ARHGEF12: variants seen among roughly 807,000 people sequenced by gnomAD.
ARHGEF12 encodes KMT2A/ARHGEF12 fusion protein.
In ARHGEF12, 66 loss-of-function variants were observed where a neutral mutation model predicts 211.2. The observed-to-expected ratio is 0.31, with a 90% CI of 0.26 to 0.38. The LOEUF (loss-of-function observed/expected upper bound fraction) is 0.38. Among genes scored for constraint, ARHGEF12 ranks in the 10% least tolerant of loss-of-function variants. The pLI is 1.00. For synonymous variants in ARHGEF12, 592 were observed against 638.4 expected, an observed-to-expected ratio of 0.93 and a Z score of 1.09; for missense variants, 1,429 against 1,869.5, an observed-to-expected ratio of 0.76 and a Z score of 4.34.
chr11:120,480,984 G>A (rs1318059454), intron 38 of ARHGEF12, among the ~76,000 whole-genome samples: 3 of 152,150 alleles, frequency 2.0e-5, no homozygotes, highest in East Asian at 1.9e-4. Flanking sequence ...CAAGAGAGGC[G>A]TTTGGCAGGG....
chr11:120,338,494 T>C (rs1412239972), intron 1 of ARHGEF12, among the ~76,000 whole-genome samples: 1 of 152,218 alleles, frequency 6.6e-6, no homozygotes, highest in East Asian at 1.9e-4. Flanking sequence ...ATATTTAAAG[T>C]ATTTATATTT....
At chr11:120,345,618 G>A (rs1305361114) in intron 1 of ARHGEF12, among the ~76,000 whole-genome samples, 2 of 145,964 alleles carry the variant, frequency 1.4e-5, no homozygotes, top group Admixed American at 1.4e-4. Context: ...CAGGAGAATG[G>A]CATGAACCCA....
At chr11:120,395,056 CAAAAAA>C (rs758953056) in intron 1 of ARHGEF12, among the ~76,000 whole-genome samples, 4 of 34,612 alleles carry the variant, frequency 1.2e-4, no homozygotes, top group African/African-American at 4.1e-4. Flanking sequence ...GACTCTATCT[CAAAAAA>C]AAAAAAAAAA....
At chr11:120,446,078 G>A (rs1298353054) in intron 16 of ARHGEF12, among the ~76,000 whole-genome samples, 1 of 148,790 alleles carries the variant, frequency 6.7e-6, no homozygotes, top group Non-Finnish European at 1.5e-5. Context: ...GGCGCCTGTT[G>A]TCTCAGCTAC....
In ARHGEF12 at chr11:120,437,361, A is replaced by T; in HGVS notation, c.978A>T (p.Lys326Asn). Residue 326 changes from lysine (K) to asparagine (N), a missense_variant, in exon 12 of 41, where the codon AAA becomes AAT. By Grantham distance (94) the Lys-to-Asn change is moderately conservative (BLOSUM62 0). Transcript: ENST00000397843. ...ERIYLEENPE[K>N]SETIQDTDTQ... ...TTTATCTAGAGGAAAACCCAGAGAA[A>T]AGTGAAACAATTCAGGACACTGTGA... The T allele has an allele frequency of 6.2e-7, 1 of 1,613,106 alleles. No homozygotes were observed. Among genetic ancestry groups the T allele is most frequent in the Non-Finnish European group, 8.5e-7 (1 of 1,179,472 alleles).
At chr11:120,344,180 C>G (rs917435402) in intron 1 of ARHGEF12, among the ~76,000 whole-genome samples, 1 of 137,854 alleles carries the variant, frequency 7.3e-6, no homozygotes, top group Admixed American at 8.4e-5. Flanking sequence ...ACAGGAGAAT[C>G]ACTTGAACCC....
At chr11:120,453,582 T>C (rs906766485) in intron 22 of ARHGEF12, among the ~76,000 whole-genome samples, 1 of 152,218 alleles carries the variant, frequency 6.6e-6, no homozygotes, top group African/African-American at 2.4e-5. Context: ...GCCAGTCATA[T>C]GGCATGTGCC....
intron 1 of ARHGEF12, among the ~76,000 whole-genome samples, chr11:120,357,236 C>T (rs922600424): frequency 2.6e-5 from 4 of 151,992 alleles, no homozygotes; most frequent in South Asian, 2.1e-4. Flanking sequence ...TCAAGTGATC[C>T]GCCTGCCTCA....
At chr11:120,405,699 G>A (rs540554908) in intron 1 of ARHGEF12, among the ~76,000 whole-genome samples, 1 of 152,120 alleles carries the variant, frequency 6.6e-6, no homozygotes, top group South Asian at 2.1e-4. Flanking sequence ...ATATTTTAAT[G>A]GCAAAATATT....
rs369343945 is a variant in ARHGEF12, at chr11:120,481,336, C to T, written c.4314C>T (p.Thr1438=). The T allele has an allele frequency of 3.1e-6, 5 of 1,614,144 alleles. No homozygotes were observed. Among genetic ancestry groups the T allele is most frequent in the Non-Finnish European group, 4.2e-6 (5 of 1,180,032 alleles). ...STDEEVASSL[T]LQPMTGIPAV... ...ATGAGGAGGTTGCTTCCTCACTTAC[C>T]CTGCAGCCCATGACAGGCATCCCTG... Residue 1438 remains threonine (T), a synonymous_variant, in exon 39 of 41, where the codon ACC becomes ACT. Transcript: ENST00000397843.
intron 12 of ARHGEF12, among the ~76,000 whole-genome samples, chr11:120,438,127 A>G (rs1555113282): frequency 6.6e-6 from 1 of 152,112 alleles, no homozygotes; most frequent in Non-Finnish European, 1.5e-5. Flanking sequence ...TTATCTTCTA[A>G]TTACATTTAT....
In ARHGEF12 at chr11:120,429,847, C is replaced by G. The variant is rs765692031; in HGVS notation, c.783+16C>G. 6.3e-7 allele frequency: 1 copy of G among 1,597,418 alleles called. No homozygotes were observed. The highest frequency in any genetic ancestry group is 8.5e-7 in the Non-Finnish European group (1 of 1,174,348). On this transcript the variant is annotated intron_variant, in intron 10 of 40. Coordinates refer to ENST00000397843, the MANE Select transcript of ARHGEF12 (RefSeq NM_015313.3). The stretch of plus-strand genomic sequence containing the variant: ...CTCTGCTCAGGTAGCATCACTATTA[C>G]AAGTGCTACCCAACTTTTTGCAGGA...
chr11:120,435,763 G>A (rs1021111245), intron 11 of ARHGEF12, among the ~76,000 whole-genome samples: 5 of 151,896 alleles, frequency 3.3e-5, no homozygotes, highest in Middle Eastern at 3.4e-3. Flanking sequence ...TGATCCACCC[G>A]CCTCAGCCTC....
chr11:120,340,769 A>G lies in ARHGEF12; in HGVS notation c.32+3494A>G, dbSNP rs546070507. 2.0e-5 allele frequency among the ~76,000 whole-genome samples: 3 copies of G among 152,348 alleles called. No individual in the cohort carries two copies. In the East Asian group the frequency reaches 5.8e-4, roughly 29 times the overall value. Reference sequence around the variant, plus strand: ...AGATCACAGTGTTAGTTTTGTATTCAGTTTTATCTTTGCCTTTTTAGTTCA... The same window carrying G: ...AGATCACAGTGTTAGTTTTGTATTCGGTTTTATCTTTGCCTTTTTAGTTCA... On this transcript the variant is annotated intron_variant, in intron 1 of 40. Coordinates refer to ENST00000397843, the MANE Select transcript of ARHGEF12 (RefSeq NM_015313.3).
At chr11:120,391,453 C>T (rs1239259947) in intron 1 of ARHGEF12, among the ~76,000 whole-genome samples, 1 of 152,186 alleles carries the variant, frequency 6.6e-6, no homozygotes, top group African/African-American at 2.4e-5. Context: ...GTCTTCCTGC[C>T]TTTGGCAGTA....
At chr11:120,467,982 G>C (rs1946758123) in intron 29 of ARHGEF12, among the ~76,000 whole-genome samples, 1 of 152,192 alleles carries the variant, frequency 6.6e-6, no homozygotes, top group African/African-American at 2.4e-5. Context: ...GGCCTACAAA[G>C]TGTAAAATTA....
chr11:120,425,760 TAA>T (rs35751948), intron 7 of ARHGEF12, among the ~76,000 whole-genome samples: 3,348 of 137,088 alleles, frequency 0.024, 67 homozygotes, highest in African/African-American at 0.059. Context: ...TTGTATCTCT[TAA>T]AAAAAAAAAA....
intron 3 of ARHGEF12, 64 bp from the exon 4 acceptor site, chr11:120,409,330 T>C: frequency 6.5e-7 from 1 of 1,530,276 alleles, no homozygotes; most frequent in Non-Finnish European, 9.0e-7. Flanking sequence ...TCCCCATGAA[T>C]TTTTCCCCTT....
chr11:120,361,402 G>A (rs556650064), intron 1 of ARHGEF12, among the ~76,000 whole-genome samples: 31 of 152,272 alleles, frequency 2.0e-4, no homozygotes, highest in African/African-American at 1.9e-4. Flanking sequence ...GAAACCGTAC[G>A]TACACTCAAA....
Sources: gnomAD v4.1 joint callset for allele counts (sites outside exome capture counted in the v4.1 genomes callset) on GRCh38, gnomAD v4.1.1 for gene constraint, MANE v1.5 for transcripts, NCBI Gene and HGNC (gene_info 2026-07-23, HGNC 2026-07-21) for gene names.